Variants in CSNK2A2 observed in about 807,000 individuals in gnomAD.
The protein encoded by CSNK2A2 is casein kinase II subunit alpha'.
CSNK2A2 carries 8 observed loss-of-function variants against 54.0 expected under a neutral mutation model. The ratio of observed to expected loss-of-function variants is 0.15; its 90% CI spans 0.09 to 0.27. CSNK2A2 has a LOEUF of 0.27. CSNK2A2 is among the 10% of genes least tolerant of loss of function. The probability of loss-of-function intolerance (pLI) is 1.00; values close to 1 mark genes in which losing one functional copy is unlikely to be tolerated. For missense variants in CSNK2A2, 242 were observed against 439.4 expected (o/e 0.55, Z 4.02); for synonymous variants, 141 against 153.9 (o/e 0.92, Z 0.62).
intron 5 of CSNK2A2, among the ~76,000 whole-genome samples, chr16:58,171,676 T>G (rs1454517555): frequency 6.6e-6 from 1 of 152,054 alleles, no homozygotes; most frequent in Non-Finnish European, 1.5e-5. Context: ...TAGGACCTTC[T>G]GCAATGATGG....
rs1402118526 is a variant in CSNK2A2 at position 58,168,823 on chromosome 16, G to GA, written c.430-131dup. 5 of 671,998 alleles carry GA rather than the reference G, an allele frequency of 7.4e-6. No homozygotes were observed. The East Asian group carries it at 1.4e-4, about 19-fold the overall frequency. The allele number at this position is 671,998 out of a possible 1,614,324, so 41.6% of individuals were successfully genotyped here. A position where few individuals can be genotyped will look rare whatever the true frequency, so the allele number is the denominator to read the frequency against. ...CAACGGGCAGCTTGCTGCCTGTAAT[G>GA]AAAGAGAAAAAAAGCGTGCTTCAGA... On this transcript the variant is annotated intron_variant, in intron 5 of 11. Transcript: ENST00000262506.
At position 58,196,666 on chromosome 16, in the gene CSNK2A2, T is replaced by C. The variant is rs1007240762; in HGVS notation, c.216+67A>G. On this transcript the variant is annotated intron_variant, in intron 2 of 11. Transcript: ENST00000262506. ...TGCATTGCCCATTATAGAATGTGAC[T>C]GGGGTACCTTACAAACTTTTGCCCT... is the stretch of plus-strand genomic sequence containing the variant. 6 of 930,078 alleles carry C rather than the reference T, an allele frequency of 6.5e-6. No individual in the cohort carries two copies. In the East Asian group the frequency reaches 1.2e-4, roughly 19 times the overall value. The allele number at this position is 930,078 out of a possible 1,614,324, so 57.6% of individuals were successfully genotyped here.
At chr16:58,173,408 T>C (rs1478529970) in intron 5 of CSNK2A2, among the ~76,000 whole-genome samples, 1 of 152,208 alleles carries the variant, frequency 6.6e-6, no homozygotes, top group East Asian at 1.9e-4. Flanking sequence ...TATTAATACA[T>C]GCATTTTTGG....
intron 11 of CSNK2A2, chr16:58,161,668 A>G (rs1329700288): frequency 1.3e-5 from 2 of 152,142 alleles, no homozygotes; most frequent in Non-Finnish European, 2.9e-5. Context: ...TGGAAACAAA[A>G]ATGGTTTTTG....
intron 7 of CSNK2A2, 67 bp downstream of exon 7, chr16:58,167,618 C>A (rs1313038375): frequency 8.1e-7 from 1 of 1,228,598 alleles, no homozygotes; most frequent in Non-Finnish European, 1.2e-6. Context: ...CTGACTAGAT[C>A]AACAGCAAAC....
At chr16:58,168,770 G>T in intron 5 of CSNK2A2, 77 bp from the exon 6 acceptor site, 1 of 1,131,144 alleles carries the variant, frequency 8.8e-7, no homozygotes, top group Non-Finnish European at 1.3e-6. Context: ...CTTATTGTTT[G>T]TGACACCTTG....
chr16:58,195,855 T>C (rs890693619), intron 2 of CSNK2A2, among the ~76,000 whole-genome samples: 4 of 152,260 alleles, frequency 2.6e-5, no homozygotes, highest in African/African-American at 7.2e-5. Context: ...TGAACTCTTC[T>C]ATATTTTTAC....
chr16:58,196,428 C>T (rs561181719), intron 2 of CSNK2A2, among the ~76,000 whole-genome samples: 2 of 152,216 alleles, frequency 1.3e-5, no homozygotes, highest in South Asian at 4.2e-4. Flanking sequence ...TAAGACCAGC[C>T]TGGGCAACAT....
At chr16:58,178,562 A>T (rs1370474436) in intron 4 of CSNK2A2, among the ~76,000 whole-genome samples, 7 of 152,146 alleles carry the variant, frequency 4.6e-5, no homozygotes, top group Non-Finnish European at 1.0e-4. Flanking sequence ...GATTACAGGC[A>T]TGAGCCACCG....
At chr16:58,164,186 G>T (rs765012200) in intron 10 of CSNK2A2, 39 bp from the exon 11 acceptor site, 1 of 1,598,430 alleles carries the variant, frequency 6.3e-7, no homozygotes, top group Non-Finnish European at 8.6e-7. Context: ...AATCAGGGTG[G>T]TGAGTGCTGA....
chr16:58,185,924 A>G (rs913828671), intron 3 of CSNK2A2, among the ~76,000 whole-genome samples: 4 of 152,268 alleles, frequency 2.6e-5, no homozygotes, highest in African/African-American at 9.6e-5. Context: ...GAATGTGCCC[A>G]GCACATAGTA....
At chr16:58,191,859 T>C (rs1962329108) in intron 2 of CSNK2A2, among the ~76,000 whole-genome samples, 1 of 152,146 alleles carries the variant, frequency 6.6e-6, no homozygotes, top group South Asian at 2.1e-4. Flanking sequence ...TTTAAGCACA[T>C]TTAACCGTCT....
At chr16:58,167,119 G>T in intron 8 of CSNK2A2, 88 bp downstream of exon 8, 2 of 791,598 alleles carry the variant, frequency 2.5e-6, no homozygotes, top group Non-Finnish European at 2.0e-6. Context: ...GTGATACTTA[G>T]TGGCTCAAGG....
chr16:58,191,555 G>A (rs1331109456), intron 2 of CSNK2A2, among the ~76,000 whole-genome samples: 1 of 152,084 alleles, frequency 6.6e-6, no homozygotes, highest in Non-Finnish European at 1.5e-5. Flanking sequence ...TAGAGACGGA[G>A]TTTCACCAGG....
intron 5 of CSNK2A2, among the ~76,000 whole-genome samples, chr16:58,169,396 G>GT (rs1330133070): frequency 6.6e-6 from 1 of 152,114 alleles, no homozygotes; most frequent in African/African-American, 2.4e-5. Flanking sequence ...GGGCGTGGTG[G>GT]TGCGTGCCTG....
intron 4 of CSNK2A2, among the ~76,000 whole-genome samples, chr16:58,175,760 T>A (rs1042125066): frequency 6.6e-6 from 1 of 152,176 alleles, no homozygotes; most frequent in Non-Finnish European, 1.5e-5. Flanking sequence ...TTCTCAAGTT[T>A]CCCCCTTTAG....
At chr16:58,174,578 C>A in intron 4 of CSNK2A2, 68 bp from the exon 5 acceptor site, 1 of 1,281,100 alleles carries the variant, frequency 7.8e-7, no homozygotes. Context: ...TAAGTGCAGG[C>A]CATTCTCTAA....
intron 2 of CSNK2A2, among the ~76,000 whole-genome samples, chr16:58,188,218 G>C (rs1241699749): frequency 6.6e-6 from 1 of 152,170 alleles, no homozygotes; most frequent in African/African-American, 2.4e-5. Context: ...CTGGGCTCTC[G>C]CTGCGTCCTT....
intron 2 of CSNK2A2, among the ~76,000 whole-genome samples, chr16:58,193,858 C>T (rs575278273): frequency 5.3e-5 from 8 of 152,206 alleles, no homozygotes; most frequent in Non-Finnish European, 8.8e-5. Context: ...GATACAACCT[C>T]TCTATTGATT....
Sources: gnomAD v4.1 joint callset for allele counts (sites outside exome capture counted in the v4.1 genomes callset) on GRCh38, gnomAD v4.1.1 for gene constraint, MANE v1.5 for transcripts, NCBI Gene and HGNC (gene_info 2026-07-23, HGNC 2026-07-21) for gene names.